CDKAL1: variants seen among roughly 807,000 people sequenced by gnomAD.
CDKAL1 encodes CDKAL1 threonylcarbamoyladenosine tRNA methylthiotransferase, also known as threonylcarbamoyladenosine tRNA methylthiotransferase.
CDKAL1 carries 32 observed loss-of-function variants against 68.2 expected under a neutral mutation model. The ratio of observed to expected loss-of-function variants is 0.47; its 90% CI spans 0.35 to 0.63. The LOEUF (loss-of-function observed/expected upper bound fraction) is 0.63. CDKAL1 is among the 30% of genes least tolerant of loss of function. CDKAL1 has a pLI of 0.00. For synonymous variants in CDKAL1, 234 were observed against 244.3 expected (o/e 0.96, Z 0.39); for missense variants, 606 against 696.7 (o/e 0.87, Z 1.47).
chr6:21,231,015 T>G lies in CDKAL1; in HGVS notation c.1716T>G (p.Ala572=), dbSNP rs778552111. 1 of 1,605,160 alleles carries G rather than the reference T, an allele frequency of 6.2e-7. No individual in the cohort carries two copies. The highest frequency in any genetic ancestry group is 1.1e-5 in the South Asian group (1 of 89,898). ...TGGCTCTGCTGGGTCTTCTTTTTGC[T>G]TTTTTTGTCAAGGTCTATAATTAGA... ...VGLALLGLLF[A]FFVKVYN is the part of the protein sequence containing the mutation. The change falls in exon 16 of 16, where the codon GCT becomes GCG. Residue 572 remains alanine (A), a synonymous_variant. Transcript: ENST00000274695.
intron 15 of CDKAL1, among the ~76,000 whole-genome samples, chr6:21,207,494 G>T (rs1778985371): frequency 1.3e-5 from 2 of 152,062 alleles, no homozygotes; most frequent in Non-Finnish European, 1.5e-5. Context: ...CAGCCTGGGT[G>T]AAAGAATGAA....
intron 10 of CDKAL1, among the ~76,000 whole-genome samples, chr6:20,969,573 T>C (rs1046667218): frequency 1.3e-5 from 2 of 152,196 alleles, no homozygotes; most frequent in Non-Finnish European, 2.9e-5. Flanking sequence ...TTCTTTGTCA[T>C]GTGTGACCAG....
intron 5 of CDKAL1, among the ~76,000 whole-genome samples, chr6:20,666,649 C>G (rs1769558309): frequency 6.6e-6 from 1 of 150,928 alleles, no homozygotes; most frequent in Non-Finnish European, 1.5e-5. Context: ...GGCTGAGAAG[C>G]AACTTGAGGG....
chr6:21,166,173 A>AGG (rs1297779379), intron 13 of CDKAL1, among the ~76,000 whole-genome samples: 1 of 152,174 alleles, frequency 6.6e-6, no homozygotes, highest in Non-Finnish European at 1.5e-5. Flanking sequence ...GGGAAGAAAA[A>AGG]GGGGGTAGTC....
At chr6:20,997,479 T>A (rs905155272) in intron 10 of CDKAL1, among the ~76,000 whole-genome samples, 1 of 148,810 alleles carries the variant, frequency 6.7e-6, no homozygotes, top group Non-Finnish European at 1.5e-5. Context: ...TTGCAAGGCC[T>A]GTAGTATGAA....
intron 8 of CDKAL1, among the ~76,000 whole-genome samples, chr6:20,820,417 A>C (rs1777229703): frequency 6.6e-6 from 1 of 152,130 alleles, no homozygotes; most frequent in Non-Finnish European, 1.5e-5. Flanking sequence ...TTAAGGACTT[A>C]TATTATTCTG....
chr6:20,861,210 A>G (rs910198418), intron 9 of CDKAL1, among the ~76,000 whole-genome samples: 2 of 152,186 alleles, frequency 1.3e-5, no homozygotes, highest in Non-Finnish European at 2.9e-5. Context: ...GGTAGCCCAG[A>G]ATGTCATTAA....
intron 8 of CDKAL1, 127 bp downstream of exon 8, chr6:20,781,392 G>A: frequency 1.4e-6 from 1 of 738,702 alleles, no homozygotes; most frequent in Non-Finnish European, 2.1e-6. Context: ...TACAAAATGT[G>A]CTCAAATACA....
intron 11 of CDKAL1, among the ~76,000 whole-genome samples, chr6:21,042,475 C>T (rs575084498): frequency 2.6e-5 from 4 of 152,276 alleles, no homozygotes; most frequent in Middle Eastern, 3.4e-3. Flanking sequence ...TGGTTAACAG[C>T]CTCTCCTTCC....
chr6:21,002,535 C>G (rs564215771), intron 11 of CDKAL1, among the ~76,000 whole-genome samples: 1 of 151,888 alleles, frequency 6.6e-6, no homozygotes, highest in East Asian at 1.9e-4. Flanking sequence ...AGAAGCAACC[C>G]TGGTATATAA....
At chr6:20,952,029 G>C (rs1764556142) in intron 9 of CDKAL1, among the ~76,000 whole-genome samples, 1 of 146,980 alleles carries the variant, frequency 6.8e-6, no homozygotes, top group South Asian at 2.1e-4. Flanking sequence ...CACGATCTCG[G>C]CTCACTGTAA....
At chr6:20,999,684 A>AAG (rs1554158222) in intron 10 of CDKAL1, among the ~76,000 whole-genome samples, 7 of 144,456 alleles carry the variant, frequency 4.8e-5, no homozygotes, top group Non-Finnish European at 7.4e-5. Context: ...AAAAAAAAAA[A>AAG]AAAGAAAGAA....
intron 4 of CDKAL1, among the ~76,000 whole-genome samples, chr6:20,645,939 CA>C (rs1214212565): frequency 6.6e-6 from 1 of 151,628 alleles, no homozygotes; most frequent in African/African-American, 2.4e-5. Flanking sequence ...GGAAGATCTT[CA>C]GGGGCAATAA....
intron 13 of CDKAL1, among the ~76,000 whole-genome samples, chr6:21,118,532 T>C (rs1419263642): frequency 6.6e-6 from 1 of 152,234 alleles, no homozygotes; most frequent in Non-Finnish European, 1.5e-5. Context: ...AGTATTTCCA[T>C]GGGCCAATAA....
At chr6:20,859,693 CA>C (rs1341076935) in intron 9 of CDKAL1, among the ~76,000 whole-genome samples, 1 of 152,190 alleles carries the variant, frequency 6.6e-6, no homozygotes, top group Non-Finnish European at 1.5e-5. Context: ...GAAGATTAAG[CA>C]GTGGCTTCTT....
chr6:20,827,966 A>G (rs547651058), intron 8 of CDKAL1, among the ~76,000 whole-genome samples: 1 of 152,256 alleles, frequency 6.6e-6, no homozygotes, highest in South Asian at 2.1e-4. Flanking sequence ...AAATTGCATA[A>G]GAAAATGGGT....
intron 9 of CDKAL1, among the ~76,000 whole-genome samples, chr6:20,877,087 A>G (rs935387746): frequency 6.6e-6 from 1 of 152,198 alleles, no homozygotes; most frequent in Non-Finnish European, 1.5e-5. Flanking sequence ...TAAATGGAGG[A>G]TGCTGTAGAC....
intron 9 of CDKAL1, among the ~76,000 whole-genome samples, chr6:20,857,741 A>G (rs1157680525): frequency 6.6e-6 from 1 of 152,152 alleles, no homozygotes; most frequent in Non-Finnish European, 1.5e-5. Context: ...AGTAAAGAGG[A>G]TTGGGGAAGA....
At chr6:21,230,725 C>T (rs532805691) in intron 15 of CDKAL1, 123 bp from the exon 16 acceptor site, 8 of 703,886 alleles carry the variant, frequency 1.1e-5, no homozygotes, top group Admixed American at 3.2e-5. Flanking sequence ...GGTGTTCAAA[C>T]GTGTCTCTGT....
Sources: gnomAD v4.1 joint callset for allele counts (sites outside exome capture counted in the v4.1 genomes callset) on GRCh38, gnomAD v4.1.1 for gene constraint, MANE v1.5 for transcripts, NCBI Gene and HGNC (gene_info 2026-07-23, HGNC 2026-07-21) for gene names.